Variants in LRP1B observed in about 807,000 individuals in gnomAD.
LRP1B encodes low-density lipoprotein receptor-related protein 1B.
A neutral mutation model predicts 556.6 loss-of-function variants in LRP1B; 217 were observed. The ratio of observed to expected loss-of-function variants is 0.39; its 90% CI spans 0.35 to 0.44. LRP1B has a LOEUF of 0.44. LRP1B is among the 20% of genes least tolerant of loss of function. The pLI, the probability that LRP1B is intolerant of heterozygous loss-of-function variation, is 1.00. For synonymous variants in LRP1B, 2,047 were observed against 1,865.8 expected (o/e 1.10, Z -2.50); for missense variants, 5,053 against 5,620.8 (o/e 0.90, Z 3.23).
intron 14 of LRP1B, 66 bp from the exon 15 acceptor site, chr2:141,005,523 T>C (rs2105374332): frequency 6.7e-7 from 1 of 1,490,942 alleles, no homozygotes; most frequent in Non-Finnish European, 9.3e-7. Flanking sequence ...GAGGTGAACA[T>C]AGATGTAATT....
At chr2:141,432,423 G>C (rs576412935) in intron 3 of LRP1B, among the ~76,000 whole-genome samples, 1 of 152,030 alleles carries the variant, frequency 6.6e-6, no homozygotes, top group Non-Finnish European at 1.5e-5. Context: ...TTTTTATCTG[G>C]TTTTGAAATC....
intron 3 of LRP1B, among the ~76,000 whole-genome samples, chr2:141,412,324 G>T (rs566838419): frequency 2.9e-4 from 44 of 152,306 alleles, no homozygotes; most frequent in African/African-American, 8.9e-4. Context: ...GTAGGAAAGA[G>T]AATTCATACA....
At chr2:141,789,463 T>C (rs1695536456) in intron 2 of LRP1B, among the ~76,000 whole-genome samples, 1 of 152,000 alleles carries the variant, frequency 6.6e-6, no homozygotes, top group Non-Finnish European at 1.5e-5. Context: ...ATTGACCATA[T>C]TAACAACATG....
intron 2 of LRP1B, among the ~76,000 whole-genome samples, chr2:141,648,185 A>T (rs1689652224): frequency 1.3e-5 from 2 of 152,150 alleles, no homozygotes; most frequent in Admixed American, 6.6e-5. Flanking sequence ...GGATAGTACA[A>T]AGAGGCTGGA....
At chr2:141,784,030 CT>C in intron 2 of LRP1B, among the ~76,000 whole-genome samples, 1 of 151,858 alleles carries the variant, frequency 6.6e-6, no homozygotes, top group South Asian at 2.1e-4. Context: ...TAAAATCAAT[CT>C]CTTTATTCAG....
chr2:141,584,260 AAAG>A (rs1437962063), intron 2 of LRP1B, among the ~76,000 whole-genome samples: 40 of 152,188 alleles, frequency 2.6e-4, no homozygotes, highest in African/African-American at 7.5e-4. Context: ...AGAAAAAAAA[AAAG>A]AAGATAATTT....
At chr2:140,953,381 G>A (rs776865879) in intron 18 of LRP1B, among the ~76,000 whole-genome samples, 20 of 152,118 alleles carry the variant, frequency 1.3e-4, no homozygotes, top group Non-Finnish European at 2.4e-4. Flanking sequence ...GAGCCACTGC[G>A]CCTGGCCCAT....
intron 6 of LRP1B, among the ~76,000 whole-genome samples, chr2:141,210,417 T>C (rs1682491747): frequency 6.6e-6 from 1 of 152,230 alleles, no homozygotes; most frequent in African/African-American, 2.4e-5. Context: ...CTCTTTTCTT[T>C]GTTCACTTTT....
chr2:140,359,263 T>C (rs568445803), intron 72 of LRP1B, among the ~76,000 whole-genome samples: 1 of 151,768 alleles, frequency 6.6e-6, no homozygotes, highest in Non-Finnish European at 1.5e-5. Context: ...AATTATGCAA[T>C]ATGGCAGGAC....
chr2:141,364,579 C>T (rs1450321879), intron 3 of LRP1B, among the ~76,000 whole-genome samples: 1 of 152,150 alleles, frequency 6.6e-6, no homozygotes, highest in African/African-American at 2.4e-5. Flanking sequence ...ATAGAAGGCA[C>T]ATAACATAGA....
At chr2:140,560,196 T>C (rs1680878610) in intron 43 of LRP1B, among the ~76,000 whole-genome samples, 1 of 151,982 alleles carries the variant, frequency 6.6e-6, no homozygotes, top group Admixed American at 6.6e-5. Context: ...AGGCCAATAC[T>C]CCTCAAATAC....
chr2:141,922,482 A>C (rs1372275241), intron 1 of LRP1B, among the ~76,000 whole-genome samples: 2 of 152,210 alleles, frequency 1.3e-5, no homozygotes, highest in Non-Finnish European at 2.9e-5. Flanking sequence ...CTATATTACC[A>C]TTCTAATAAC....
chr2:140,826,824 G>C (rs1370732215), intron 31 of LRP1B, among the ~76,000 whole-genome samples: 1 of 152,126 alleles, frequency 6.6e-6, no homozygotes, highest in Non-Finnish European at 1.5e-5. Context: ...GACACAAAGG[G>C]GAGGTGGGAT....
chr2:141,641,805 A>C (rs193012130), intron 2 of LRP1B, among the ~76,000 whole-genome samples: 5 of 152,172 alleles, frequency 3.3e-5, no homozygotes, highest in African/African-American at 1.2e-4. Context: ...ACTCATGATT[A>C]ATAACATTGT....
At chr2:141,344,704 GT>G (rs199556182) in intron 3 of LRP1B, among the ~76,000 whole-genome samples, 1,782 of 152,146 alleles carry the variant, frequency 0.012, 23 homozygotes, top group Middle Eastern at 0.02. Context: ...AGACTCTAAT[GT>G]TTTTCCCACT....
At chr2:141,639,198 C>T (rs13427731) in intron 2 of LRP1B, among the ~76,000 whole-genome samples, 61,419 of 137,112 alleles carry the variant, frequency 0.45, 14,172 homozygotes, top group East Asian at 0.7. Flanking sequence ...AGGCCGACAC[C>T]AGGCAAAGCA....
intron 25 of LRP1B, among the ~76,000 whole-genome samples, chr2:140,877,938 T>C (rs187572577): frequency 6.6e-6 from 1 of 152,204 alleles, no homozygotes; most frequent in Non-Finnish European, 1.5e-5. Context: ...CTCAGGTTTA[T>C]GGGGTTCACA....
chr2:142,050,969 C>T (rs1431064283), intron 1 of LRP1B, among the ~76,000 whole-genome samples: 1 of 152,054 alleles, frequency 6.6e-6, no homozygotes, highest in African/African-American at 2.4e-5. Context: ...ATTAAAGTTA[C>T]AGTCCTGAGA....
At chr2:141,750,268 A>T (rs1694062283) in intron 2 of LRP1B, among the ~76,000 whole-genome samples, 1 of 152,152 alleles carries the variant, frequency 6.6e-6, no homozygotes, top group Non-Finnish European at 1.5e-5. Flanking sequence ...AGGCCAAGGG[A>T]AAGATACCCC....
Sources: allele counts gnomAD v4.1 joint callset (sites outside exome capture counted in the v4.1 genomes callset), GRCh38; gene constraint gnomAD v4.1.1; transcripts MANE v1.5; gene names NCBI Gene and HGNC (gene_info 2026-07-23, HGNC 2026-07-21).